CCDC91: variants seen among roughly 807,000 people sequenced by gnomAD.
The protein encoded by CCDC91 is coiled-coil domain containing 91, also known as coiled-coil domain-containing protein 91.
CCDC91 carries 48 observed loss-of-function variants against 63.2 expected under a neutral mutation model. The observed-to-expected ratio is 0.76, with a 90% CI of 0.60 to 0.97. CCDC91 has a LOEUF of 0.97. CCDC91 is among the 50% of genes least tolerant of loss of function. CCDC91 has a pLI of 0.00. For missense variants in CCDC91, 500 were observed against 494.6 expected, an observed-to-expected ratio of 1.01 and a Z score of -0.10; for synonymous variants, 167 against 165.8, an observed-to-expected ratio of 1.01 and a Z score of -0.06.
intron 1 of CCDC91, among the ~76,000 whole-genome samples, chr12:28,200,179 A>G (rs1215645845): frequency 2.7e-5 from 4 of 147,692 alleles, no homozygotes; most frequent in East Asian, 1.9e-4. Context: ...CAATTGACCT[A>G]TCTTCAAGTT....
At chr12:28,227,290 A>G (rs529669286) in intron 1 of CCDC91, among the ~76,000 whole-genome samples, 1 of 152,246 alleles carries the variant, frequency 6.6e-6, no homozygotes, top group African/African-American at 2.4e-5. Flanking sequence ...CCTTCTTGAT[A>G]GTGAAGTAGC....
rs188233023 is a variant in CCDC91, at chr12:28,484,618, A to G, written c.1215+453A>G. On this transcript the variant is annotated intron_variant, in intron 12 of 12. Coordinates refer to ENST00000536442, the MANE Select transcript of CCDC91 (RefSeq NM_018318.5). The stretch of plus-strand genomic sequence containing the variant: ...TCTGCCATAGTGCCATTTCAAAACC[A>G]TAACTCAGAATATGCTTGTAAGAAT... Among the ~76,000 whole-genome samples, 345 of 152,258 alleles carry G rather than the reference A, an allele frequency of 2.3e-3. 1 individual carries two copies. The highest frequency in any genetic ancestry group is 7.9e-3 in the African/African-American group (330 of 41,578).
chr12:28,228,133 T>C (rs541302806), intron 1 of CCDC91, among the ~76,000 whole-genome samples: 5 of 152,214 alleles, frequency 3.3e-5, no homozygotes, highest in African/African-American at 1.2e-4. Context: ...CATAGGTACC[T>C]TATCATTCAA....
At position 28,508,748 on chromosome 12, in the gene CCDC91, T is replaced by C. The variant is rs543996954; in HGVS notation, c.1215+24583T>C. On this transcript the variant is annotated intron_variant, in intron 12 of 12. Transcript: ENST00000536442. The stretch of plus-strand genomic sequence containing the variant: ...GAGTCAGTACCTCTAAAGCCCAGAG[T>C]TTGCAAGGGTGAGAAGCACATATTA... Among the ~76,000 whole-genome samples, 76 of 151,674 alleles carry C rather than the reference T, an allele frequency of 5.0e-4. 1 individual carries two copies. The highest frequency in any genetic ancestry group is 1.8e-3 in the African/African-American group (75 of 41,392).
Position 28,385,164 on chromosome 12 carries a change from T to C in CCDC91, c.655-6140T>C, listed in dbSNP as rs73085910. Reference sequence around the variant, plus strand: ...AATTTTTTAAACGATAGAAAAAAGATGTTTAAATAATTTGTGATATTTTTC... The same window carrying C: ...AATTTTTTAAACGATAGAAAAAAGACGTTTAAATAATTTGTGATATTTTTC... On this transcript the variant is annotated intron_variant, in intron 7 of 12. Coordinates refer to ENST00000536442, the MANE Select transcript of CCDC91 (RefSeq NM_018318.5). Among the ~76,000 whole-genome samples, 563 of 152,224 alleles carry C rather than the reference T, an allele frequency of 3.7e-3. 2 individuals carry two copies. Among genetic ancestry groups the C allele is most frequent in the African/African-American group, 8.2e-3 (340 of 41,566 alleles).
chr12:28,223,457 T>A (rs1405656533), intron 1 of CCDC91, among the ~76,000 whole-genome samples: 1 of 152,200 alleles, frequency 6.6e-6, no homozygotes, highest in African/African-American at 2.4e-5. Context: ...TTCCTTTTTC[T>A]GAGTCTCTAT....
At chr12:28,541,679 A>G (rs1455732841) in intron 12 of CCDC91, among the ~76,000 whole-genome samples, 2 of 152,088 alleles carry the variant, frequency 1.3e-5, no homozygotes, top group Non-Finnish European at 2.9e-5. Flanking sequence ...AACAGATTGT[A>G]ATATTTTTAT....
chr12:28,535,711 G>A (rs10843199), intron 12 of CCDC91, among the ~76,000 whole-genome samples: 28,724 of 151,994 alleles, frequency 0.19, 3,555 homozygotes, highest in Non-Finnish European at 0.28. Context: ...ATTTTATTCT[G>A]AACTTTGTTC....
intron 7 of CCDC91, among the ~76,000 whole-genome samples, chr12:28,389,547 C>T (rs1419348092): frequency 6.6e-6 from 1 of 152,000 alleles, no homozygotes; most frequent in East Asian, 1.9e-4. Flanking sequence ...CTACCTTATT[C>T]AAATTGTACT....
chr12:28,418,420 G>T (rs1294454031), intron 8 of CCDC91, among the ~76,000 whole-genome samples: 2 of 152,094 alleles, frequency 1.3e-5, no homozygotes, highest in East Asian at 3.9e-4. Flanking sequence ...TTATATAGTT[G>T]TCTGAAGCAC....
intron 6 of CCDC91, among the ~76,000 whole-genome samples, chr12:28,344,947 C>G (rs779144578): frequency 3.3e-5 from 5 of 152,076 alleles, no homozygotes; most frequent in Non-Finnish European, 5.9e-5. Context: ...GCCTTTGTTC[C>G]TCAGCTTTGG....
chr12:28,194,242 A>ACT (rs748438687), intron 1 of CCDC91, among the ~76,000 whole-genome samples: 158 of 150,038 alleles, frequency 1.1e-3, no homozygotes, highest in Admixed American at 1.6e-3. Flanking sequence ...AGGGGTCAAG[A>ACT]CTCTCTCTCT....
intron 11 of CCDC91, among the ~76,000 whole-genome samples, chr12:28,482,119 G>A (rs1294138871): frequency 6.6e-6 from 1 of 151,860 alleles, no homozygotes; most frequent in African/African-American, 2.4e-5. Context: ...CTCATATAAT[G>A]TGAATATTCA....
intron 6 of CCDC91, among the ~76,000 whole-genome samples, chr12:28,334,002 T>C (rs17433009): frequency 0.14 from 22,047 of 152,136 alleles, 2,130 homozygotes; most frequent in Non-Finnish European, 0.21. Flanking sequence ...TCTGTGCTTA[T>C]CTTTTATTTG....
At chr12:28,343,347 A>G (rs913944104) in intron 6 of CCDC91, among the ~76,000 whole-genome samples, 15 of 152,052 alleles carry the variant, frequency 9.9e-5, no homozygotes, top group Non-Finnish European at 1.0e-4. Flanking sequence ...GCCATATATC[A>G]TATGTATATA....
At chr12:28,397,605 G>A (rs1946368961) in intron 8 of CCDC91, among the ~76,000 whole-genome samples, 1 of 152,022 alleles carries the variant, frequency 6.6e-6, no homozygotes, top group Non-Finnish European at 1.5e-5. Flanking sequence ...TGTATGCAGT[G>A]GGGTATACAT....
intron 12 of CCDC91, among the ~76,000 whole-genome samples, chr12:28,489,954 T>C (rs1951911420): frequency 6.6e-6 from 1 of 151,956 alleles, no homozygotes; most frequent in East Asian, 1.9e-4. Flanking sequence ...TATAGAAGTT[T>C]GACTAGCTGA....
chr12:28,469,202 G>GA (rs1432647283), intron 11 of CCDC91, among the ~76,000 whole-genome samples: 3 of 151,948 alleles, frequency 2.0e-5, no homozygotes, highest in Middle Eastern at 6.8e-3. Flanking sequence ...AGATTCTACT[G>GA]AAAAAACTAT....
intron 6 of CCDC91, among the ~76,000 whole-genome samples, chr12:28,353,797 A>G (rs868300831): frequency 1.3e-5 from 2 of 152,202 alleles, no homozygotes; most frequent in East Asian, 1.9e-4. Flanking sequence ...TATTGTTACA[A>G]TTACCAAGAT....
Sources: gnomAD v4.1 joint callset for allele counts (sites outside exome capture counted in the v4.1 genomes callset) on GRCh38, gnomAD v4.1.1 for gene constraint, MANE v1.5 for transcripts, NCBI Gene and HGNC (gene_info 2026-07-23, HGNC 2026-07-21) for gene names.